Variants in EPHA4 observed in about 807,000 individuals in gnomAD.
The protein encoded by EPHA4 is EPH receptor A4, also known as ephrin type-A receptor 4.
EPHA4 carries 19 observed loss-of-function variants against 108.3 expected under a neutral mutation model. The observed-to-expected ratio is 0.18, with a 90% CI of 0.12 to 0.26. EPHA4 has a LOEUF of 0.26. Ranked by LOEUF, EPHA4 falls within the 10% of genes least tolerant of loss-of-function variation. The pLI is 1.00. For missense variants in EPHA4, 917 were observed against 1,254.0 expected (o/e 0.73, Z 4.06); for synonymous variants, 449 against 455.5 (o/e 0.99, Z 0.18).
chr2:221,557,653 T>C (rs1694343863), intron 3 of EPHA4, among the ~76,000 whole-genome samples: 1 of 151,942 alleles, frequency 6.6e-6, no homozygotes, highest in South Asian at 2.1e-4. Flanking sequence ...CAGAGAATTT[T>C]GAAGGTTCAG....
rs143324291 is a variant in EPHA4 at position 221,539,359 on chromosome 2, T to C, written c.823+24372A>G. ...GGCAGAACAATTACTCACTGAGTAA[T>C]ACTGTACTCTGTGCCCTAACAAGTC... is the stretch of plus-strand genomic sequence containing the variant. On this transcript the variant is annotated intron_variant, in intron 3 of 17. Transcript: ENST00000281821. Among the ~76,000 whole-genome samples, 24 of 152,278 alleles carry C rather than the reference T, an allele frequency of 1.6e-4. No individual in the cohort carries two copies. In the East Asian group the frequency reaches 4.4e-3, roughly 28 times the overall value.
intron 17 of EPHA4, among the ~76,000 whole-genome samples, chr2:221,423,898 C>G (rs1421156560): frequency 6.6e-6 from 1 of 152,038 alleles, no homozygotes; most frequent in African/African-American, 2.4e-5. Flanking sequence ...GGTGGACTGT[C>G]TGAGATCAAG....
chr2:221,519,676 A>T (rs1401949128), intron 3 of EPHA4, among the ~76,000 whole-genome samples: 2 of 152,080 alleles, frequency 1.3e-5, no homozygotes, highest in African/African-American at 4.8e-5. Flanking sequence ...TACCTGGGAG[A>T]CTCTGCTCAT....
Position 221,563,823 on chromosome 2 carries a change from T to G in EPHA4, c.731A>C (p.Lys244Thr), listed in dbSNP as rs1694541046. Residue 244 changes from lysine (K) to threonine (T), a missense_variant, in exon 3 of 18, where the codon AAA becomes ACA. Transcript: ENST00000281821. ...TTCACCATCTGCCCCACAGTACATT[T>G]TTGGCACATCTTTCTCTTCTGAGTT... is the stretch of plus-strand genomic sequence containing the variant. ...VNNSEEKDVP[K>T]MYCGADGEWL... 1 of 1,614,118 alleles carries G rather than the reference T, an allele frequency of 6.2e-7. No homozygotes were observed. Among genetic ancestry groups the G allele is most frequent in the African/African-American group, 1.3e-5 (1 of 74,936 alleles).
At chr2:221,444,740 CTATCTTTTTTT>C (rs1690535844) in intron 9 of EPHA4, among the ~76,000 whole-genome samples, 1 of 86,316 alleles carries the variant, frequency 1.2e-5, no homozygotes, top group African/African-American at 4.0e-5. Flanking sequence ...CTCTTTTTTT[CTATCTTTTTTT>C]TTTTTTTTTT....
At chr2:221,459,288 G>GCACACA (rs762674416) in intron 5 of EPHA4, among the ~76,000 whole-genome samples, 2 of 140,062 alleles carry the variant, frequency 1.4e-5, no homozygotes, top group African/African-American at 5.3e-5. Flanking sequence ...GGTAACAGGC[G>GCACACA]CACACACACA....
chr2:221,479,768 TC>T (rs1691763903), intron 5 of EPHA4, among the ~76,000 whole-genome samples: 1 of 152,230 alleles, frequency 6.6e-6, no homozygotes, highest in African/African-American at 2.4e-5. Context: ...GAAGCAGTGC[TC>T]TGCACATATA....
At chr2:221,462,026 G>A (rs889278798) in intron 5 of EPHA4, among the ~76,000 whole-genome samples, 1 of 142,700 alleles carries the variant, frequency 7.0e-6, no homozygotes, top group African/African-American at 2.5e-5. Context: ...AGAAAGAGAT[G>A]CATCATAGAT....
In EPHA4 at chr2:221,419,966, G is replaced by C. The variant is rs3770207; in HGVS notation, c.*1406C>G. On this transcript the variant is annotated 3_prime_UTR_variant, in exon 18 of 18. Coordinates refer to ENST00000281821, the MANE Select transcript of EPHA4 (RefSeq NM_004438.5). ...CCGCACACAGACAGGCACGCATACA[G>C]ACACACTCACACCTATGTACACACA... 70,917 of 152,618 alleles carry C rather than the reference G, an allele frequency of 0.46. 17,052 individuals are homozygous for C. Among genetic ancestry groups the C allele is most frequent in the African/African-American group, 0.58 (24,224 of 41,464 alleles). The allele number at this position is 152,618 out of a possible 1,614,324, so 9.5% of individuals were successfully genotyped here.
At chr2:221,476,660 A>G (rs1022132263) in intron 5 of EPHA4, among the ~76,000 whole-genome samples, 1 of 152,210 alleles carries the variant, frequency 6.6e-6, no homozygotes, top group Non-Finnish European at 1.5e-5. Flanking sequence ...TGATTGCTGT[A>G]AGATTTTCCC....
At chr2:221,491,414 A>G (rs1442836811) in intron 4 of EPHA4, among the ~76,000 whole-genome samples, 1 of 152,222 alleles carries the variant, frequency 6.6e-6, no homozygotes, top group Non-Finnish European at 1.5e-5. Flanking sequence ...AAACTAAGAT[A>G]AGTTAAGCAA....
chr2:221,554,940 C>A (rs752947488), intron 3 of EPHA4, among the ~76,000 whole-genome samples: 1 of 152,076 alleles, frequency 6.6e-6, no homozygotes, highest in African/African-American at 2.4e-5. Flanking sequence ...TTTTTAAAGC[C>A]CTTTGTTGGG....
At chr2:221,454,601 G>A (rs903708225) in intron 8 of EPHA4, among the ~76,000 whole-genome samples, 12 of 152,154 alleles carry the variant, frequency 7.9e-5, no homozygotes, top group Non-Finnish European at 1.6e-4. Flanking sequence ...AACAGTTGAT[G>A]GTATATGGGG....
In EPHA4 at chr2:221,467,134, A is replaced by G. The variant is rs543131683; in HGVS notation, c.1319-9144T>C. Among the ~76,000 whole-genome samples the G allele has an allele frequency of 3.9e-5, 6 of 152,332 alleles. No homozygotes were observed. In the South Asian group the frequency reaches 1.2e-3, roughly 32 times the overall value. On this transcript the variant is annotated intron_variant, in intron 5 of 17. Transcript: ENST00000281821. The stretch of plus-strand genomic sequence containing the variant: ...TAATCTAAAGAGCTAAGACAAGAAT[A>G]AAACAAAACAAATTCAATTACCAAA...
chr2:221,464,927 A>G (rs965740325), intron 5 of EPHA4, among the ~76,000 whole-genome samples: 1 of 152,230 alleles, frequency 6.6e-6, no homozygotes, highest in Non-Finnish European at 1.5e-5. Flanking sequence ...ACACAAAAAC[A>G]TAGAACCAAA....
chr2:221,492,028 C>T (rs954382308), intron 4 of EPHA4, among the ~76,000 whole-genome samples: 5 of 151,956 alleles, frequency 3.3e-5, no homozygotes, highest in South Asian at 2.1e-4. Context: ...GAAGATACCC[C>T]GTTCTCACCC....
At chr2:221,545,920 A>G (rs1339876856) in intron 3 of EPHA4, among the ~76,000 whole-genome samples, 4 of 152,248 alleles carry the variant, frequency 2.6e-5, no homozygotes, top group Non-Finnish European at 5.9e-5. Flanking sequence ...AAAGGTTTAT[A>G]GTTGAAAGTC....
intron 5 of EPHA4, among the ~76,000 whole-genome samples, chr2:221,464,533 G>A (rs1691247376): frequency 6.6e-6 from 1 of 152,096 alleles, no homozygotes; most frequent in Admixed American, 6.6e-5. Context: ...CTCAAGCTAG[G>A]CAATACCTAT....
intron 3 of EPHA4, among the ~76,000 whole-genome samples, chr2:221,547,621 A>T (rs569056893): frequency 6.6e-6 from 1 of 152,332 alleles, no homozygotes; most frequent in East Asian, 1.9e-4. Context: ...TATCTGAAAA[A>T]TGTTAGAATA....
Sources: allele counts gnomAD v4.1 joint callset (sites outside exome capture counted in the v4.1 genomes callset), GRCh38; gene constraint gnomAD v4.1.1; transcripts MANE v1.5; gene names NCBI Gene and HGNC (gene_info 2026-07-23, HGNC 2026-07-21).